TSHZ2: variants seen among roughly 807,000 people sequenced by gnomAD.
TSHZ2 encodes teashirt homolog 2.
In TSHZ2, 21 loss-of-function variants were observed where a neutral mutation model predicts 74.4. That is an observed-to-expected ratio of 0.28 (90% CI 0.20 to 0.41). The LOEUF is 0.41. Ranked by LOEUF, TSHZ2 falls within the 10% of genes least tolerant of loss-of-function variation. The pLI, the probability that TSHZ2 is intolerant of heterozygous loss-of-function variation, is 1.00. For missense variants in TSHZ2, 1,244 were observed against 1,293.5 expected, an observed-to-expected ratio of 0.96 and a Z score of 0.59; for synonymous variants, 540 against 515.3, an observed-to-expected ratio of 1.05 and a Z score of -0.65.
At chr20:53,051,981 A>G (rs1414567345) in intron 1 of TSHZ2, among the ~76,000 whole-genome samples, 2 of 99,200 alleles carry the variant, frequency 2.0e-5, no homozygotes, top group East Asian at 4.8e-4. Flanking sequence ...TAAGTGTATT[A>G]AGATACACAT....
At chr20:53,164,396 A>T (rs1423240905) in intron 1 of TSHZ2, among the ~76,000 whole-genome samples, 1 of 150,506 alleles carries the variant, frequency 6.6e-6, no homozygotes, top group Admixed American at 6.6e-5. Flanking sequence ...CTATTAAAAG[A>T]AAGAGATCAT....
intron 2 of TSHZ2, among the ~76,000 whole-genome samples, chr20:53,299,768 A>G (rs1991445876): frequency 6.6e-6 from 1 of 151,388 alleles, no homozygotes; most frequent in African/African-American, 2.4e-5. Context: ...TTAGATGACT[A>G]CAGTTTGGTT....
rs1394925036 is a variant in TSHZ2, at chr20:53,230,887, AAAAAAAG to A, written c.41-22598_41-22592del. On this transcript the variant is annotated intron_variant, in intron 1 of 2. Transcript: ENST00000371497. ...AGCCCAGGTGAGACTCCATCTCAAA[AAAAAAAG>A]AAAAAAGAAAAAATATTTTCAAGTT... Among the ~76,000 whole-genome samples, 6 of 152,144 alleles carry A rather than the reference AAAAAAAG, an allele frequency of 3.9e-5. No homozygotes were observed. In the South Asian group the frequency reaches 1.0e-3, roughly 26 times the overall value.
intron 1 of TSHZ2, among the ~76,000 whole-genome samples, chr20:53,065,109 G>A (rs559271599): frequency 3.1e-4 from 47 of 152,244 alleles, no homozygotes; most frequent in Non-Finnish European, 5.9e-4. Flanking sequence ...ACCTCACTGC[G>A]CCTCATTCGC....
intron 1 of TSHZ2, among the ~76,000 whole-genome samples, chr20:53,173,432 C>A (rs1024465875): frequency 1.3e-5 from 2 of 152,090 alleles, no homozygotes; most frequent in Admixed American, 6.6e-5. Context: ...CATGGTGAAA[C>A]CCCGTCTCTA....
chr20:53,150,595 A>T (rs2123438908), intron 1 of TSHZ2, among the ~76,000 whole-genome samples: 1 of 152,188 alleles, frequency 6.6e-6, no homozygotes, highest in East Asian at 1.9e-4. Flanking sequence ...CTTCTAATCT[A>T]AGGTAAAATC....
intron 2 of TSHZ2, chr20:53,399,632 C>G (rs1404081409): frequency 6.6e-6 from 1 of 152,110 alleles, no homozygotes. Flanking sequence ...GGCCCCGCAC[C>G]TTTTCAAATT....
At chr20:53,133,986 A>AAAAAAAAAAAAAAG (rs1987178048) in intron 1 of TSHZ2, among the ~76,000 whole-genome samples, 1 of 149,766 alleles carries the variant, frequency 6.7e-6, no homozygotes, top group Non-Finnish European at 1.5e-5. Context: ...AAAAAAAAAT[A>AAAAAAAAAAAAAAG]GGCCACGTTT....
chr20:53,410,576 T>TATTATCGTC (rs1244225537), intron 2 of TSHZ2, among the ~76,000 whole-genome samples: 2 of 138,776 alleles, frequency 1.4e-5, no homozygotes, highest in Non-Finnish European at 3.1e-5. Flanking sequence ...GGAATTCTGT[T>TATTATCGTC]ATTATCGTCA....
chr20:53,306,509 AG>A (rs928214118), intron 2 of TSHZ2, among the ~76,000 whole-genome samples: 7 of 152,184 alleles, frequency 4.6e-5, no homozygotes, highest in African/African-American at 1.7e-4. Context: ...ACAGATTTGA[AG>A]GGGTTAGGAT....
chr20:53,367,598 TCTCA>T (rs1981311223), intron 2 of TSHZ2, among the ~76,000 whole-genome samples: 1 of 151,730 alleles, frequency 6.6e-6, no homozygotes, highest in African/African-American at 2.4e-5. Context: ...TCTTTTTGAG[TCTCA>T]CTCTGTCACC....
intron 2 of TSHZ2, among the ~76,000 whole-genome samples, chr20:53,404,701 A>C (rs1982781042): frequency 6.6e-6 from 1 of 152,192 alleles, no homozygotes; most frequent in Non-Finnish European, 1.5e-5. Flanking sequence ...ATATAATTAC[A>C]TACAATTATT....
chr20:53,134,885 T>A (rs1256437908), intron 1 of TSHZ2, among the ~76,000 whole-genome samples: 1 of 151,864 alleles, frequency 6.6e-6, no homozygotes, highest in Non-Finnish European at 1.5e-5. Flanking sequence ...GAAGAGGACG[T>A]TCACACTTTA....
At chr20:53,462,026 G>A (rs1276122245) in intron 2 of TSHZ2, among the ~76,000 whole-genome samples, 2 of 151,722 alleles carry the variant, frequency 1.3e-5, no homozygotes, top group African/African-American at 4.8e-5. Flanking sequence ...GAGGTCAGGA[G>A]TTCGAGACCA....
rs147476032 is a variant in TSHZ2 at position 53,271,673 on chromosome 20, G to T, written c.*8+15102G>T. 5.7e-3 allele frequency among the ~76,000 whole-genome samples: 875 copies of T among 152,336 alleles called. 9 individuals carry two copies. The highest frequency in any genetic ancestry group is 0.02 in the African/African-American group (843 of 41,572). On this transcript the variant is annotated intron_variant, in intron 2 of 2. Coordinates refer to ENST00000371497, the MANE Select transcript of TSHZ2 (RefSeq NM_173485.6). ...AGGCTGAGTCTGGAATGATGAAAAG[G>T]AGCTAGCCAGGAGGATAAGAGGGAA...
At chr20:53,204,200 TATG>T (rs746609571) in intron 1 of TSHZ2, among the ~76,000 whole-genome samples, 28 of 127,366 alleles carry the variant, frequency 2.2e-4, no homozygotes, top group African/African-American at 5.9e-4. Flanking sequence ...TATATCATCA[TATG>T]ATGATATGAT....
At chr20:53,195,034 G>A (rs1026834889) in intron 1 of TSHZ2, among the ~76,000 whole-genome samples, 1 of 152,000 alleles carries the variant, frequency 6.6e-6, no homozygotes, top group East Asian at 1.9e-4. Context: ...TGTCACCTTC[G>A]GGAAGGTGGG....
rs372901806 is a variant in TSHZ2 at position 53,254,877 on chromosome 20, C to G, written c.1419C>G (p.Ser473Arg). 4 of 1,614,036 alleles carry G rather than the reference C, an allele frequency of 2.5e-6. No individual in the cohort carries two copies. The highest frequency in any genetic ancestry group is 2.5e-6 in the Non-Finnish European group (3 of 1,180,044). The change falls in exon 2 of 3, where the codon AGC becomes AGG. Residue 473 changes from serine (S) to arginine (R), a missense_variant. Coordinates refer to ENST00000371497, the MANE Select transcript of TSHZ2 (RefSeq NM_173485.6). ...ESKKERPEETSKDEKVVKSED... is the reference protein window; with the variant it reads ...ESKKERPEETRKDEKVVKSED... ...AAAAAGAAAGGCCAGAGGAAACCAG[C>G]AAGGATGAGAAAGTCGTGAAAAGCG...
chr20:53,132,671 A>G (rs1001083835), intron 1 of TSHZ2, among the ~76,000 whole-genome samples: 3 of 152,084 alleles, frequency 2.0e-5, no homozygotes, highest in African/African-American at 7.2e-5. Flanking sequence ...CCTTCCTAGT[A>G]TTATACCACC....
Sources: allele counts gnomAD v4.1 joint callset (sites outside exome capture counted in the v4.1 genomes callset), GRCh38; gene constraint gnomAD v4.1.1; transcripts MANE v1.5; gene names NCBI Gene and HGNC (gene_info 2026-07-23, HGNC 2026-07-21).